The following MIDN variants were observed in gnomAD, a reference collection of about 807,000 sequenced individuals.
MIDN encodes the protein midbrain nucleolar protein.
MIDN carries 26 observed loss-of-function variants against 46.1 expected under a neutral mutation model. The ratio of observed to expected loss-of-function variants is 0.56; its 90% CI spans 0.41 to 0.78. The LOEUF is 0.78. MIDN is among the 30% of genes least tolerant of loss of function. The pLI is 0.00. For synonymous variants in MIDN, 432 were observed against 343.3 expected, an observed-to-expected ratio of 1.26 and a Z score of -2.86; for missense variants, 850 against 771.8, an observed-to-expected ratio of 1.10 and a Z score of -1.20.
intron 4 of MIDN, chr19:1,253,674 A>G (rs2081161662): frequency 5.5e-6 from 1 of 182,624 alleles, no homozygotes; most frequent in Admixed American, 6.1e-5. Flanking sequence ...TATCTTGAGA[A>G]AGCAAAGGTT....
At chr19:1,251,461 T>C (rs113915203) in intron 2 of MIDN, 101 bp from the exon 3 acceptor site, 29 of 1,056,356 alleles carry the variant, frequency 2.7e-5, no homozygotes, top group African/African-American at 1.8e-4. Context: ...TGGGAACTTA[T>C]CCGTCTCTCC....
Position 1,257,079 on chromosome 19 carries a change from G to T in MIDN, c.1343G>T (p.Arg448Leu), listed in dbSNP as rs772126592. ...CTGCTTCTGCAGCAGAAACGGCTCC[G>T]TAGAAAGGCCCGGCGGGACGCGCGG... Reference protein sequence around the residue: ...LQLLLQQKRLRRKARRDARGP... With the variant: ...LQLLLQQKRLLRKARRDARGP... Residue 448 changes from arginine to leucine, a missense_variant, in exon 9 of 9, where the codon CGT becomes CTT. Physicochemically the swap from Arg to Leu is moderately radical, Grantham distance 102. Coordinates refer to ENST00000682408, the MANE Select transcript of MIDN (RefSeq NM_001388306.1). 5.0e-6 allele frequency: 8 copies of T among 1,612,220 alleles called. No individual in the cohort carries two copies. The highest frequency in any genetic ancestry group is 4.4e-5 in the South Asian group (4 of 91,094).
intron 4 of MIDN, chr19:1,253,575 G>A (rs2081160501): frequency 6.4e-6 from 1 of 157,050 alleles, no homozygotes; most frequent in Admixed American, 6.5e-5. Context: ...GTGCCCTCCG[G>A]GACTCCAGCC....
At position 1,257,142 on chromosome 19, in the gene MIDN, G is replaced by A. The variant is rs773469970; in HGVS notation, c.1406G>A (p.Arg469His). ...YHWSPSRKAG[R>H]SDSSSSGGGG... ...TGGTCACCCAGCCGCAAGGCCGGCC[G>A]CAGCGACAGCAGTAGCAGCGGGGGC... is the stretch of plus-strand genomic sequence containing the variant. The change falls in exon 9 of 9, where the codon CGC becomes CAC. Residue 469 changes from arginine (R) to histidine (H), a missense_variant. Physicochemically the swap from Arg to His is conservative, Grantham distance 29. Coordinates refer to ENST00000682408, the MANE Select transcript of MIDN (RefSeq NM_001388306.1). 6.2e-6 allele frequency: 10 copies of A among 1,611,280 alleles called. No homozygotes were observed. In the African/African-American group the frequency reaches 8.0e-5, roughly 13 times the overall value.
intron 7 of MIDN, 96 bp downstream of exon 7, chr19:1,255,157 G>A (rs1384583636): frequency 1.1e-5 from 15 of 1,389,876 alleles, no homozygotes; most frequent in Admixed American, 1.9e-5. Context: ...CATATTCTGG[G>A]CATACACAGG....
intron 2 of MIDN, 69 bp from the exon 3 acceptor site, chr19:1,251,493 C>G (rs553652622): frequency 7.0e-7 from 1 of 1,427,024 alleles, no homozygotes; most frequent in African/African-American, 1.4e-5. Flanking sequence ...CAGCCCTCCC[C>G]CGCGGCCTCT....
At position 1,255,645 on chromosome 19, in the gene MIDN, A is replaced by T; in HGVS notation, c.1209A>T (p.Ser403=). 1 of 1,603,556 alleles carries T rather than the reference A, an allele frequency of 6.2e-7. No homozygotes were observed. Among genetic ancestry groups the T allele is most frequent in the Non-Finnish European group, 8.5e-7 (1 of 1,178,264 alleles). The part of the protein sequence containing the change: ...TSCEKLTAAP[S]ASLLQGQSQI... ...GCGAGAAGCTCACGGCTGCCCCCTC[A>T]GCCTCCCTGCTGCAGGGCCAGAGCC... The change falls in exon 8 of 9, where the codon TCA becomes TCT. Residue 403 remains serine (S), a synonymous_variant. Coordinates refer to ENST00000682408, the MANE Select transcript of MIDN (RefSeq NM_001388306.1).
rs1358222645 is a variant in MIDN at position 1,254,067 on chromosome 19, C to T, written c.498C>T (p.Gly166=). ...AGGGACCCCAGAGCCCAGAGAGGGG[C>T]GGCGAGAGGCCCCAGGTCACAGCGC... ...HRQGPQSPER[G]GERPQVSDFL... The change falls in exon 5 of 9, where the codon GGC becomes GGT. Residue 166 remains glycine (G), a synonymous_variant. Transcript: ENST00000682408. The T allele has an allele frequency of 1.4e-6, 2 of 1,470,018 alleles. No homozygotes were observed. Among genetic ancestry groups the T allele is most frequent in the Non-Finnish European group, 8.9e-7 (1 of 1,117,990 alleles). 91.1% of individuals were successfully genotyped at this position (1,470,018 alleles called of 1,614,324 possible). A position where few individuals can be genotyped will look rare whatever the true frequency, so the allele number is the denominator to read the frequency against.
At chr19:1,250,760 C>G (rs1242063820) in intron 2 of MIDN, among the ~76,000 whole-genome samples, 3 of 151,692 alleles carry the variant, frequency 2.0e-5, no homozygotes, top group Non-Finnish European at 4.4e-5. Context: ...TCGGCGGCCC[C>G]CCTTGGGGGC....
Position 1,254,007 on chromosome 19 carries a change from C to G in MIDN, c.438C>G (p.Tyr146Ter), listed in dbSNP as rs2081165872. Residue 146 changes from tyrosine (Y) to a stop codon, truncating the protein, a stop_gained, in exon 5 of 9, where the codon TAC becomes TAG. Transcript: ENST00000682408. LOFTEE classifies it high-confidence loss of function. ...CTGGCGGAGGAGGCTTCCGGAAATA[C>G]AGATTCATTTTATTTAAGCGTCCGT... is the stretch of plus-strand genomic sequence containing the variant. ...GRAGGGGFRK[Y>*]RFILFKRPWH... 1.4e-6 allele frequency: 2 copies of G among 1,408,544 alleles called. No homozygotes were observed. Among genetic ancestry groups the G allele is most frequent in the Non-Finnish European group, 1.8e-6 (2 of 1,089,716 alleles). 87.3% of individuals were successfully genotyped at this position (1,408,544 alleles called of 1,614,324 possible). A position where few individuals can be genotyped will look rare whatever the true frequency, so the allele number is the denominator to read the frequency against.
chr19:1,256,209 C>T (rs887514188), intron 8 of MIDN, among the ~76,000 whole-genome samples: 33 of 152,242 alleles, frequency 2.2e-4, no homozygotes, highest in Non-Finnish European at 3.1e-4. Context: ...ACTGGCCGGG[C>T]GCGGTGGCTC....
chr19:1,248,984 C>G (rs2081088239), intron 1 of MIDN, among the ~76,000 whole-genome samples: 1 of 152,074 alleles, frequency 6.6e-6, no homozygotes, highest in Non-Finnish European at 1.5e-5. Context: ...GTTCCTCCCC[C>G]GCGCGCAGCC....
In MIDN at chr19:1,254,297, C is replaced by T. The variant is rs1237817278; in HGVS notation, c.644C>T (p.Ala215Val). Residue 215 changes from alanine (A) to valine (V), a missense_variant, in exon 6 of 9, where the codon GCG becomes GTG. By Grantham distance (64) the Ala-to-Val change is moderately conservative (BLOSUM62 0). Transcript: ENST00000682408. ...PLQHRHVLAAAAAAAAARGDP... is the reference protein window; with the variant it reads ...PLQHRHVLAAVAAAAAARGDP... ...CAACACCGCCATGTGCTGGCCGCTGCGGCCGCCGCCGCTGCTGCGCGGGGG... is the reference window on the plus strand; with the variant it reads ...CAACACCGCCATGTGCTGGCCGCTGTGGCCGCCGCCGCTGCTGCGCGGGGG... 2 of 1,566,380 alleles carry T rather than the reference C, an allele frequency of 1.3e-6. No homozygotes were observed. Among genetic ancestry groups the T allele is most frequent in the Non-Finnish European group, 1.7e-6 (2 of 1,163,792 alleles).
chr19:1,254,423 C>G lies in MIDN; in HGVS notation c.770C>G (p.Ser257Trp). 4 of 1,566,914 alleles carry G rather than the reference C, an allele frequency of 2.6e-6. No homozygotes were observed. Among genetic ancestry groups the G allele is most frequent in the Non-Finnish European group, 3.4e-6 (4 of 1,163,600 alleles). Residue 257 changes from serine (S) to tryptophan (W), a missense_variant, in exon 6 of 9, where the codon TCG becomes TGG. By Grantham distance (177) the Ser-to-Trp change is radical. Transcript: ENST00000682408. ...VPTSPSPASP[S>W]PITAGSFRSH... ...ACCAGCCCGTCCCCTGCATCTCCCT[C>G]GCCCATCACAGCCGGCTCCTTCCGG...
At chr19:1,252,125 G>A (rs1172492771) in intron 4 of MIDN, among the ~76,000 whole-genome samples, 3 of 152,166 alleles carry the variant, frequency 2.0e-5, no homozygotes, top group Admixed American at 1.3e-4. Flanking sequence ...TGCCCTGGGG[G>A]AAGGGGGCCT....
chr19:1,253,573 C>T (rs189903174), intron 4 of MIDN: 125 of 157,364 alleles, frequency 7.9e-4, no homozygotes, highest in Middle Eastern at 6.5e-3. Context: ...TTGTGCCCTC[C>T]GGGACTCCAG....
At chr19:1,252,713 T>A (rs1488154346) in intron 4 of MIDN, among the ~76,000 whole-genome samples, 1 of 152,102 alleles carries the variant, frequency 6.6e-6, no homozygotes, top group East Asian at 1.9e-4. Context: ...GGTGGCCGGC[T>A]TCCCGGGCCT....
intron 2 of MIDN, 71 bp downstream of exon 2, chr19:1,250,600 C>T (rs1040723389): frequency 3.4e-6 from 3 of 883,424 alleles, no homozygotes; most frequent in African/African-American, 3.6e-5. Context: ...AAGAGCGCGC[C>T]GCGCGGGGAA....
intron 4 of MIDN, among the ~76,000 whole-genome samples, chr19:1,253,044 T>G (rs1464725819): frequency 5.4e-4 from 71 of 131,854 alleles, no homozygotes; most frequent in East Asian, 9.8e-4. Context: ...TGGGGGGGGC[T>G]GGAGGGGGTG....
Sources: allele counts gnomAD v4.1 joint callset (sites outside exome capture counted in the v4.1 genomes callset), GRCh38; gene constraint gnomAD v4.1.1; transcripts MANE v1.5; gene names NCBI Gene and HGNC (gene_info 2026-07-23, HGNC 2026-07-21).